The following UPF1 variants were observed in gnomAD, a reference collection of about 807,000 sequenced individuals.
The protein encoded by UPF1 is regulator of nonsense transcripts 1.
A neutral mutation model predicts 129.2 loss-of-function variants in UPF1; 9 were observed. The ratio of observed to expected loss-of-function variants is 0.07; its 90% CI spans 0.04 to 0.12. The LOEUF (loss-of-function observed/expected upper bound fraction) is 0.12, where lower values mean the gene tolerates loss of function less well. UPF1 is among the 10% of genes least tolerant of loss of function. The probability of loss-of-function intolerance (pLI) is 1.00; values close to 1 mark genes in which losing one functional copy is unlikely to be tolerated. For synonymous variants in UPF1, 649 were observed against 644.9 expected, an observed-to-expected ratio of 1.01 and a Z score of -0.10; for missense variants, 788 against 1,525.3, an observed-to-expected ratio of 0.52 and a Z score of 8.05.
intron 17 of UPF1, 136 bp from the exon 18 acceptor site, chr19:18,861,874 C>T (rs1000395905): frequency 8.6e-7 from 1 of 1,166,570 alleles, no homozygotes; most frequent in African/African-American, 1.5e-5. Flanking sequence ...AGGACAGCCC[C>T]TAGGTGCGGT....
chr19:18,838,243 G>T (rs182862696), intron 1 of UPF1, among the ~76,000 whole-genome samples: 2 of 152,388 alleles, frequency 1.3e-5, no homozygotes, highest in Non-Finnish European at 1.5e-5. Context: ...GGAGGCTGAG[G>T]CAGGCAGATC....
At chr19:18,841,678 G>A (rs1418094566) in intron 1 of UPF1, among the ~76,000 whole-genome samples, 1 of 152,212 alleles carries the variant, frequency 6.6e-6, no homozygotes, top group Admixed American at 6.5e-5. Context: ...GCTTCTTGCT[G>A]AAGGTGTGGA....
chr19:18,860,492 G>C, intron 16 of UPF1, 54 bp downstream of exon 16: 1 of 1,548,418 alleles, frequency 6.5e-7, no homozygotes, highest in Non-Finnish European at 8.9e-7. Flanking sequence ...AGCTTGAGAG[G>C]TTGTTGACCC....
chr19:18,855,152 G>A lies in UPF1; in HGVS notation c.1454G>A (p.Arg485Lys). The A allele has an allele frequency of 6.2e-7, 1 of 1,613,934 alleles. No homozygotes were observed. The highest frequency in any genetic ancestry group is 8.5e-7 in the Non-Finnish European group (1 of 1,179,984). Residue 485 changes from arginine (R) to lysine (K), a missense_variant, in exon 11 of 24, where the codon AGA becomes AAA. Arg to Lys is a conservative substitution (Grantham distance 26). Coordinates refer to ENST00000262803, the MANE Select transcript of UPF1 (RefSeq NM_002911.4). ...TATGCCGTGAAGACTGTGCTGCAAAGACCACTGAGCCTGATCCAGGGCCCG... is the reference window on the plus strand; with the variant it reads ...TATGCCGTGAAGACTGTGCTGCAAAAACCACTGAGCCTGATCCAGGGCCCG... ...QVYAVKTVLQRPLSLIQGPPG... is the reference protein window; with the variant it reads ...QVYAVKTVLQKPLSLIQGPPG...
Position 18,851,030 on chromosome 19 carries a change from CT to C in UPF1, c.810+164del. 1.3e-6 allele frequency: 1 copy of C among 795,950 alleles called. No individual in the cohort carries two copies. Among genetic ancestry groups the C allele is most frequent in the Non-Finnish European group, 1.8e-6 (1 of 549,354 alleles). The allele number at this position is 795,950 out of a possible 1,614,324, so 49.3% of individuals were successfully genotyped here. On this transcript the variant is annotated intron_variant, in intron 5 of 23. Transcript: ENST00000262803. The surrounding 1 kb of genome is among the most constrained non-coding windows in gnomAD (Gnocchi z 4.2). ...TCTACGTGGAATGACCTCAGGGCAC[CT>C]TGGTCACCTTCCATCCAGGCAGCCT... is the stretch of plus-strand genomic sequence containing the variant.
chr19:18,854,843 G>A, intron 9 of UPF1, 36 bp from the exon 10 acceptor site: 1 of 1,612,238 alleles, frequency 6.2e-7, no homozygotes, highest in Non-Finnish European at 8.5e-7. Context: ...GGCGGCCACA[G>A]CTGTGCGTGT....
Position 18,862,168 on chromosome 19 carries a change from G to C in UPF1, c.2600+16G>C, listed in dbSNP as rs369097906. ...CCAGAGCAAGGTAGGGAGGCTGCCT[G>C]CTGCATGCTGCCCAGCCGCTCATCG... On this transcript the variant is annotated intron_variant, in intron 18 of 23. Transcript: ENST00000262803. The C allele has an allele frequency of 2.5e-6, 4 of 1,611,532 alleles. No individual in the cohort carries two copies. In the African/African-American group the frequency reaches 5.3e-5, roughly 22 times the overall value.
rs767721321 is a variant in UPF1, at chr19:18,863,601, A to T, written c.2764A>T (p.Thr922Ser). 1 of 1,613,320 alleles carries T rather than the reference A, an allele frequency of 6.2e-7. No homozygotes were observed. The change falls in exon 19 of 24, where the codon ACT becomes TCT. Residue 922 changes from threonine (T) to serine (S), a missense_variant. Around this residue, in one of 6 missense-constraint regions of UPF1, gnomAD observed 218 missense variants for 318.1 expected, o/e 0.69. Transcript: ENST00000262803. ...QFSKPRKLVN[T>S]INPGARFMTT... ...CAGCAAGCCACGGAAGCTGGTCAACACTATCAACCCGGTGAGCGCCTGCAC... is the reference window on the plus strand; with the variant it reads ...CAGCAAGCCACGGAAGCTGGTCAACTCTATCAACCCGGTGAGCGCCTGCAC...
intron 17 of UPF1, among the ~76,000 whole-genome samples, chr19:18,861,228 T>C (rs1003105631): frequency 1.3e-5 from 2 of 152,286 alleles, no homozygotes; most frequent in Non-Finnish European, 2.9e-5. Context: ...TGGGCTGAGA[T>C]TGGCACATCA....
intron 1 of UPF1, among the ~76,000 whole-genome samples, chr19:18,842,170 C>T (rs918277098): frequency 2.0e-5 from 3 of 152,190 alleles, no homozygotes; most frequent in African/African-American, 4.8e-5. Flanking sequence ...TGGTCAACTC[C>T]TAGCAGTTTC....
rs747953539 is a variant in UPF1, at chr19:18,853,045, A to G, written c.1031A>G (p.Tyr344Cys). 3.1e-6 allele frequency: 5 copies of G among 1,614,042 alleles called. No individual in the cohort carries two copies. Among genetic ancestry groups the G allele is most frequent in the African/African-American group, 2.7e-5 (2 of 74,916 alleles). Residue 344 changes from tyrosine to cysteine, a missense_variant, in exon 7 of 24, where the codon TAC becomes TGC. By Grantham distance (194) the Tyr-to-Cys change is radical. This residue lies in a region of UPF1 where 227 missense variants were observed against 517.9 expected (regional missense o/e 0.44). Coordinates refer to ENST00000262803, the MANE Select transcript of UPF1 (RefSeq NM_002911.4). This position sits in a 1 kb window ranked among gnomAD's most constrained non-coding sequence, Gnocchi z 4.4. ...GGCCTTAACAAGAAGAGAATCGCCT[A>G]CTTCACTTTGCCCAAGACTGACTCT... ...DLGLNKKRIA[Y>C]FTLPKTDSDM...
At chr19:18,861,901 C>A in intron 17 of UPF1, 109 bp from the exon 18 acceptor site, 1 of 1,454,196 alleles carries the variant, frequency 6.9e-7, no homozygotes, top group Non-Finnish European at 9.2e-7. Flanking sequence ...GCGCCAGGCC[C>A]CAAGCTCCCG....
At chr19:18,860,774 G>A in intron 16 of UPF1, 52 bp from the exon 17 acceptor site, 1 of 1,603,072 alleles carries the variant, frequency 6.2e-7, no homozygotes. Flanking sequence ...TCCAGCCTCA[G>A]GGCTCGGGAT....
At chr19:18,862,661 C>A (rs1233783244) in intron 18 of UPF1, among the ~76,000 whole-genome samples, 1 of 152,086 alleles carries the variant, frequency 6.6e-6, no homozygotes, top group African/African-American at 2.4e-5. Context: ...GTGAAACCTC[C>A]TCTCTACTAA....
chr19:18,852,960 C>T (rs74182608), intron 6 of UPF1, 27 bp from the exon 7 acceptor site: 30,659 of 1,599,576 alleles, frequency 0.019, 397 homozygotes, highest in Non-Finnish European at 0.023. Context: ...GGAGGCTAAC[C>T]GGGGCTCTTG....
At position 18,866,173 on chromosome 19, in the gene UPF1, C is replaced by T. The variant is rs1294803323; in HGVS notation, c.*3+7C>T. 3 of 1,584,840 alleles carry T rather than the reference C, an allele frequency of 1.9e-6. No individual in the cohort carries two copies. In the Admixed American group the frequency reaches 5.4e-5, roughly 28 times the overall value. On this transcript the variant is annotated splice_region_variant and intron_variant, in intron 23 of 23. Transcript: ENST00000262803. The stretch of plus-strand genomic sequence containing the variant: ...GCTGTCCCAGTATTAAAAGGCAAGC[C>T]CCCCTGGAGCAGGCCTGGCCCCACC...
At chr19:18,847,559 C>T (rs879734548) in intron 2 of UPF1, among the ~76,000 whole-genome samples, 185 bp from the exon 3 acceptor site, 1 of 152,208 alleles carries the variant, frequency 6.6e-6, no homozygotes, top group Admixed American at 6.5e-5. Context: ...ATACCCCTTC[C>T]CTGCATTCTT....
rs2055677804 is a variant in UPF1 at position 18,853,049 on chromosome 19, C to T, written c.1035C>T (p.Phe345=). The stretch of plus-strand genomic sequence containing the variant: ...TTAACAAGAAGAGAATCGCCTACTT[C>T]ACTTTGCCCAAGACTGACTCTGGTA... ...LGLNKKRIAY[F]TLPKTDSDMR... is the part of the protein sequence containing the mutation. The change falls in exon 7 of 24, where the codon TTC becomes TTT. Residue 345 remains phenylalanine (F), a synonymous_variant. Transcript: ENST00000262803. This position sits in a 1 kb window ranked among gnomAD's most constrained non-coding sequence, Gnocchi z 4.4. The T allele has an allele frequency of 1.2e-6, 2 of 1,614,172 alleles. No individual in the cohort carries two copies. The highest frequency in any genetic ancestry group is 1.7e-6 in the Non-Finnish European group (2 of 1,180,022).
Position 18,846,106 on chromosome 19 carries a change from A to G in UPF1, c.358A>G (p.Ile120Val), listed in dbSNP as rs865781897. 6.2e-7 allele frequency: 1 copy of G among 1,614,022 alleles called. No individual in the cohort carries two copies. Among genetic ancestry groups the G allele is most frequent in the Non-Finnish European group, 8.5e-7 (1 of 1,179,990 alleles). Reference sequence around the variant, plus strand: ...CACCTATTACACGAAGGACCTCCCCATACACGCCTGCAGGTGAGCTGAGCT... The same window carrying G: ...CACCTATTACACGAAGGACCTCCCCGTACACGCCTGCAGGTGAGCTGAGCT... ...EDTYYTKDLP[I>V]HACSYCGIHD... The change falls in exon 2 of 24, where the codon ATA becomes GTA. Residue 120 changes from isoleucine (I) to valine (V), a missense_variant. This residue lies in a region of UPF1 where 227 missense variants were observed against 517.9 expected (regional missense o/e 0.44). Coordinates refer to ENST00000262803, the MANE Select transcript of UPF1 (RefSeq NM_002911.4).
Sources: gnomAD v4.1 joint callset for allele counts (sites outside exome capture counted in the v4.1 genomes callset) on GRCh38, gnomAD v4.1.1 for gene constraint, gnomAD v4.1.1 regional missense constraint, Gnocchi (gnomAD v3.1) non-coding constraint, MANE v1.5 for transcripts, NCBI Gene and HGNC (gene_info 2026-07-23, HGNC 2026-07-21) for gene names.